The following ADSL variants were observed in gnomAD, a reference collection of about 807,000 sequenced individuals.
ADSL encodes the protein adenylosuccinase.
A neutral mutation model predicts 62.1 loss-of-function variants in ADSL; 44 were observed. The observed-to-expected ratio is 0.71, with a 90% confidence interval of 0.56 to 0.91. ADSL has a LOEUF of 0.91. ADSL is among the 40% of genes least tolerant of loss of function. The pLI, the probability that ADSL is intolerant of heterozygous loss-of-function variation, is 0.00. For synonymous variants in ADSL, 198 were observed against 220.5 expected (o/e 0.90, Z 0.90); for missense variants, 531 against 627.4 (o/e 0.85, Z 1.64).
chr22:40,378,847 G>A (rs1027145995), intron 2 of ADSL, among the ~76,000 whole-genome samples: 1 of 152,050 alleles, frequency 6.6e-6, no homozygotes, highest in African/African-American at 2.4e-5. Context: ...TGCAGACTCC[G>A]AGACCTAGAG....
Position 40,346,785 on chromosome 22 carries a change from G to T in ADSL, c.153+74G>T, listed in dbSNP as rs562697061. On this transcript the variant is annotated intron_variant, in intron 1 of 12. Coordinates refer to ENST00000623063, the MANE Select transcript of ADSL (RefSeq NM_000026.4). ...CCAGCACGTGCCGGGCTCTGTTCCG[G>T]GCTGGGCTTAGCCACCCCGGAGCTG... 9 of 1,496,942 alleles carry T rather than the reference G, an allele frequency of 6.0e-6. No individual in the cohort carries two copies. The East Asian group carries it at 2.2e-4, about 37-fold the overall frequency. 92.7% of individuals were successfully genotyped at this position (1,496,942 alleles called of 1,614,324 possible). A position where few individuals can be genotyped will look rare whatever the true frequency, so the allele number is the denominator to read the frequency against.
intron 4 of ADSL, among the ~76,000 whole-genome samples, chr22:40,357,747 C>T (rs2044619968): frequency 6.6e-6 from 1 of 152,210 alleles, no homozygotes; most frequent in Non-Finnish European, 1.5e-5. Context: ...TCTTTTAGCA[C>T]TTAAAATCTC....
intron 4 of ADSL, among the ~76,000 whole-genome samples, chr22:40,355,438 G>A (rs776731541): frequency 6.6e-6 from 1 of 152,162 alleles, no homozygotes; most frequent in African/African-American, 2.4e-5. Flanking sequence ...GATTACAGGC[G>A]TGAGCCACCG....
At position 40,368,086 on chromosome 22, in the gene ADSL, G is replaced by C. The variant is rs2045054298; in HGVS notation, c.*1564G>C. 6.6e-6 allele frequency: 1 copy of C among 152,304 alleles called. No homozygotes were observed. The highest frequency in any genetic ancestry group is 2.1e-4 in the South Asian group (1 of 4,828). 9.4% of individuals were successfully genotyped at this position (152,304 alleles called of 1,614,324 possible). A position where few individuals can be genotyped will look rare whatever the true frequency, so the allele number is the denominator to read the frequency against. ...GATCTTGTGGTGGAGGAATGTTAGG[G>C]CTCTTTATCCTATACAGAAGAAAAC... On this transcript the variant is annotated 3_prime_UTR_variant, in exon 13 of 13. Coordinates refer to ENST00000623063, the MANE Select transcript of ADSL (RefSeq NM_000026.4).
At position 40,350,035 on chromosome 22, in the gene ADSL, T is replaced by C. The variant is rs2146623601; in HGVS notation, c.357T>C (p.Thr119=). 2.5e-6 allele frequency: 4 copies of C among 1,613,134 alleles called. No homozygotes were observed. Among genetic ancestry groups the C allele is most frequent in the Non-Finnish European group, 2.5e-6 (3 of 1,179,066 alleles). The change falls in exon 2 of 13, where the codon ACT becomes ACC. Residue 119 remains threonine, a splice_region_variant and synonymous_variant. Coordinates refer to ENST00000623063, the MANE Select transcript of ADSL (RefSeq NM_000026.4). ...GATSCYVGDN[T]DLIILRNALD... is the part of the protein sequence containing the mutation. Reference sequence around the variant, plus strand: ...CTTCTTGCTATGTTGGAGACAATACTGTAGGCGCCTGTGTTGTTTATACTT... The same window carrying C: ...CTTCTTGCTATGTTGGAGACAATACCGTAGGCGCCTGTGTTGTTTATACTT...
In ADSL at chr22:40,361,632, A is replaced by T. The variant is rs2044793775; in HGVS notation, c.1007A>T (p.Asn336Ile). Residue 336 changes from asparagine (N) to isoleucine (I), a missense_variant, in exon 9 of 13, where the codon AAC becomes ATC. Physicochemically the swap from Asn to Ile is moderately radical, Grantham distance 149 (BLOSUM62 -3). Around this residue, in one of 2 missense-constraint regions of ADSL, gnomAD observed 471 missense variants for 592.9 expected, o/e 0.79. Transcript: ENST00000623063. The stretch of plus-strand genomic sequence containing the variant: ...GAACGCACACTGGATGATAGTGCCA[A>T]CCGGTCAGTGGCACAGGGACATCAC... ...WFERTLDDSA[N>I]RRICLAEAFL... 2 of 1,613,154 alleles carry T rather than the reference A, an allele frequency of 1.2e-6. No individual in the cohort carries two copies. The highest frequency in any genetic ancestry group is 1.3e-5 in the African/African-American group (1 of 74,924).
At chr22:40,347,137 AAGCCCGGAC>A (rs2044173468) in intron 1 of ADSL, among the ~76,000 whole-genome samples, 1 of 152,222 alleles carries the variant, frequency 6.6e-6, no homozygotes, top group Admixed American at 6.5e-5. Flanking sequence ...GGGGAGAACA[AAGCCCGGAC>A]AGCTTGTTGT....
downstream of ADSL, among the ~76,000 whole-genome samples, chr22:40,374,241 C>T (rs1290580064): frequency 3.3e-5 from 5 of 152,142 alleles, no homozygotes; most frequent in South Asian, 2.1e-4. Flanking sequence ...TGTGAGCCAC[C>T]GTGCCCAGCC....
At chr22:40,353,491 C>T (rs982507082) in intron 3 of ADSL, 7 of 686,096 alleles carry the variant, frequency 1.0e-5, no homozygotes, top group Non-Finnish European at 1.9e-5. Flanking sequence ...GCCATGTTGC[C>T]CAGGCTGGTC....
chr22:40,361,713 T>G, intron 9 of ADSL, 78 bp downstream of exon 9: 1 of 1,561,504 alleles, frequency 6.4e-7, no homozygotes, highest in Middle Eastern at 1.7e-4. Context: ...AAGGACATAT[T>G]TGAGCATCTC....
rs180726920 is a variant in ADSL, at chr22:40,366,567, A to T, written c.*45A>T. 285 of 1,428,046 alleles carry T rather than the reference A, an allele frequency of 2.0e-4. No homozygotes were observed. The African/African-American group carries it at 3.6e-3, about 18-fold the overall frequency. 88.5% of individuals were successfully genotyped at this position (1,428,046 alleles called of 1,614,324 possible). A position where few individuals can be genotyped will look rare whatever the true frequency, so the allele number is the denominator to read the frequency against. Reference sequence around the variant, plus strand: ...GAAAATCATTGTTAATTGCTGAGGCATGAAAATTGTGTTACTATAATGCCT... The same window carrying T: ...GAAAATCATTGTTAATTGCTGAGGCTTGAAAATTGTGTTACTATAATGCCT... On this transcript the variant is annotated 3_prime_UTR_variant, in exon 13 of 13. Coordinates refer to ENST00000623063, the MANE Select transcript of ADSL (RefSeq NM_000026.4).
At chr22:40,352,366 A>C (rs1316477907) in intron 2 of ADSL, among the ~76,000 whole-genome samples, 1 of 151,962 alleles carries the variant, frequency 6.6e-6, no homozygotes, top group African/African-American at 2.4e-5. Context: ...GTCTCTACTA[A>C]AAATACAAAA....
chr22:40,382,148 A>C (rs2047675631), intron 2 of ADSL, among the ~76,000 whole-genome samples: 1 of 152,126 alleles, frequency 6.6e-6, no homozygotes, highest in African/African-American at 2.4e-5. Flanking sequence ...GGTCAGGATA[A>C]GTTTAGGACT....
At chr22:40,355,080 T>C (rs1030775083) in intron 4 of ADSL, among the ~76,000 whole-genome samples, 1 of 152,124 alleles carries the variant, frequency 6.6e-6, no homozygotes, top group Non-Finnish European at 1.5e-5. Flanking sequence ...ATGATGTAAA[T>C]GTTGATTACT....
chr22:40,384,185 A>C (rs1440644957), intron 2 of ADSL, among the ~76,000 whole-genome samples: 1 of 152,048 alleles, frequency 6.6e-6, no homozygotes, highest in Non-Finnish European at 1.5e-5. Flanking sequence ...TCAAGGCTGC[A>C]GTGAGTCATG....
intron 4 of ADSL, among the ~76,000 whole-genome samples, chr22:40,355,296 C>G (rs2044511831): frequency 6.6e-6 from 1 of 152,068 alleles, no homozygotes; most frequent in South Asian, 2.1e-4. Context: ...GCGCCTACCA[C>G]CATGCCCGGC....
intron 2 of ADSL, among the ~76,000 whole-genome samples, chr22:40,379,157 G>T (rs1057150655): frequency 6.6e-6 from 1 of 152,184 alleles, no homozygotes; most frequent in African/African-American, 2.4e-5. Context: ...CCTCTAGAAT[G>T]CTGGGACTTT....
At chr22:40,381,141 CT>C (rs917042615) in intron 2 of ADSL, among the ~76,000 whole-genome samples, 5 of 150,776 alleles carry the variant, frequency 3.3e-5, no homozygotes, top group African/African-American at 7.3e-5. Context: ...ACACGCTTTT[CT>C]TTTTTTTTCT....
intron 2 of ADSL, chr22:40,379,287 A>G (rs1212923378): frequency 6.6e-6 from 1 of 152,266 alleles, no homozygotes; most frequent in Non-Finnish European, 1.5e-5. Flanking sequence ...TCCTCAACAC[A>G]AAGTCACCAT....
Sources: allele counts gnomAD v4.1 joint callset (sites outside exome capture counted in the v4.1 genomes callset), GRCh38; gene constraint gnomAD v4.1.1; regional missense constraint gnomAD v4.1.1; transcripts MANE v1.5; gene names NCBI Gene and HGNC (gene_info 2026-07-23, HGNC 2026-07-21).